LRBA: variants seen among roughly 807,000 people sequenced by gnomAD.
LRBA encodes LPS responsive beige-like anchor protein, also known as lipopolysaccharide-responsive and beige-like anchor protein.
In LRBA, 176 loss-of-function variants were observed where a neutral mutation model predicts 330.0. That is an observed-to-expected ratio of 0.53 (90% CI 0.47 to 0.60). The LOEUF (loss-of-function observed/expected upper bound fraction) is 0.60. Among genes scored for constraint, LRBA ranks in the 20% least tolerant of loss-of-function variants. The pLI is 0.00. For missense variants in LRBA, 3,259 were observed against 3,444.8 expected (o/e 0.95, Z 1.35); for synonymous variants, 1,230 against 1,193.0 (o/e 1.03, Z -0.64).
At chr4:150,292,215 T>A (rs1333193070) in intron 53 of LRBA, among the ~76,000 whole-genome samples, 1 of 152,156 alleles carries the variant, frequency 6.6e-6, no homozygotes, top group Non-Finnish European at 1.5e-5. Flanking sequence ...CTCATAAATA[T>A]CCAGTGAGAA....
In LRBA at chr4:150,914,350, GAAA is replaced by G; in HGVS notation, c.1015-12_1015-10del. ...AAACATTTGTCAAAGGTCTGTAAAA[GAAA>G]AAAAAAAAGGAATTAGGAAAAAACA... On this transcript the variant is annotated splice_polypyrimidine_tract_variant and intron_variant, in intron 8 of 56. Transcript: ENST00000651943. The G allele has an allele frequency of 8.8e-6, 9 of 1,020,208 alleles. No homozygotes were observed. The highest frequency in any genetic ancestry group is 3.5e-5 in the East Asian group (1 of 28,444). 63.2% of individuals were successfully genotyped at this position (1,020,208 alleles called of 1,614,324 possible).
At chr4:150,854,690 G>A (rs1751018547) in intron 22 of LRBA, among the ~76,000 whole-genome samples, 1 of 152,160 alleles carries the variant, frequency 6.6e-6, no homozygotes, top group African/African-American at 2.4e-5. Flanking sequence ...TTGAACAAAG[G>A]CAAGAATAAA....
chr4:150,301,363 A>G (rs1171553052), intron 53 of LRBA, among the ~76,000 whole-genome samples: 2 of 152,088 alleles, frequency 1.3e-5, no homozygotes, highest in Non-Finnish European at 2.9e-5. Flanking sequence ...ATTTGATCAC[A>G]AAGTCTGTAT....
intron 46 of LRBA, among the ~76,000 whole-genome samples, chr4:150,419,470 C>T (rs1322826626): frequency 1.3e-5 from 2 of 151,996 alleles, no homozygotes; most frequent in Non-Finnish European, 2.9e-5. Flanking sequence ...AAGAAGGTCC[C>T]TGCCCTACCA....
chr4:150,304,075 T>C (rs532248169), intron 52 of LRBA, among the ~76,000 whole-genome samples: 67 of 152,304 alleles, frequency 4.4e-4, no homozygotes, highest in African/African-American at 1.6e-3. Flanking sequence ...GGCTTTCTTT[T>C]TCTTTAAATA....
intron 56 of LRBA, among the ~76,000 whole-genome samples, chr4:150,276,064 G>A (rs896522155): frequency 7.2e-5 from 11 of 152,168 alleles, no homozygotes; most frequent in African/African-American, 2.7e-4. Flanking sequence ...AAAACAGCAT[G>A]GTACTGGTAC....
chr4:150,670,017 T>C (rs1231675710), intron 37 of LRBA, among the ~76,000 whole-genome samples: 1 of 152,206 alleles, frequency 6.6e-6, no homozygotes, highest in Non-Finnish European at 1.5e-5. Context: ...TTGGTGAATA[T>C]GATGTCTGCC....
intron 37 of LRBA, among the ~76,000 whole-genome samples, chr4:150,601,947 T>G (rs1774166393): frequency 6.6e-6 from 1 of 150,742 alleles, no homozygotes; most frequent in African/African-American, 2.4e-5. Flanking sequence ...CGCCTCGGCC[T>G]CCCAAAGTGC....
chr4:150,845,431 C>T (rs1204091220), intron 26 of LRBA, among the ~76,000 whole-genome samples: 2 of 152,152 alleles, frequency 1.3e-5, no homozygotes, highest in Non-Finnish European at 2.9e-5. Context: ...AAGGCTCCCA[C>T]GAATCAGGCA....
chr4:150,418,853 C>G (rs1247634058), intron 46 of LRBA, among the ~76,000 whole-genome samples: 1 of 151,992 alleles, frequency 6.6e-6, no homozygotes, highest in Non-Finnish European at 1.5e-5. Context: ...TATGAGGTAT[C>G]TAGGTGAAGG....
intron 47 of LRBA, among the ~76,000 whole-genome samples, chr4:150,373,156 TGTGTGTGTGTGTGTGTGAGAGAGAGA>T (rs1315970202): frequency 6.7e-6 from 1 of 148,496 alleles, no homozygotes; most frequent in African/African-American, 2.5e-5. Flanking sequence ...TGTGTGTGTG[TGTGTGTGTGTGTGTGTGAGAGAGAGA>T]GAGAGAGAGA....
chr4:150,459,424 A>C (rs1449039910), intron 44 of LRBA, among the ~76,000 whole-genome samples: 1 of 151,984 alleles, frequency 6.6e-6, no homozygotes, highest in Non-Finnish European at 1.5e-5. Flanking sequence ...GATTATACCT[A>C]AAGTCTACCA....
intron 44 of LRBA, among the ~76,000 whole-genome samples, chr4:150,444,430 G>A (rs1244932511): frequency 1.3e-5 from 2 of 152,140 alleles, no homozygotes; most frequent in African/African-American, 2.4e-5. Context: ...GTTAGGGGGT[G>A]CAGCAACTAT....
At chr4:150,520,387 T>A (rs909880070) in intron 40 of LRBA, among the ~76,000 whole-genome samples, 6 of 152,192 alleles carry the variant, frequency 3.9e-5, no homozygotes, top group Non-Finnish European at 5.9e-5. Flanking sequence ...TTATTTAGGT[T>A]TTATTTTTTT....
chr4:150,849,355 T>G (rs934920414), intron 25 of LRBA, 67 bp downstream of exon 25: 1 of 1,435,546 alleles, frequency 7.0e-7, no homozygotes, highest in Non-Finnish European at 9.7e-7. Context: ...ACATTTAAGT[T>G]TTAGTCAATA....
intron 40 of LRBA, among the ~76,000 whole-genome samples, chr4:150,528,567 C>T (rs1420387353): frequency 6.6e-6 from 1 of 151,494 alleles, no homozygotes; most frequent in Non-Finnish European, 1.5e-5. Flanking sequence ...GTTTAAAGGT[C>T]TTAAGTTTTT....
At chr4:150,807,195 C>A (rs955547051) in intron 32 of LRBA, among the ~76,000 whole-genome samples, 1 of 151,768 alleles carries the variant, frequency 6.6e-6, no homozygotes, top group African/African-American at 2.4e-5. Context: ...ACATAAAGAG[C>A]CACTAGTTAT....
chr4:150,335,886 G>T (rs1430369339), intron 48 of LRBA, among the ~76,000 whole-genome samples: 1 of 151,972 alleles, frequency 6.6e-6, no homozygotes, highest in African/African-American at 2.4e-5. Flanking sequence ...TGTAGAGATG[G>T]TGTTTTGCCA....
chr4:150,440,495 G>A lies in LRBA; in HGVS notation c.6781-3631C>T, dbSNP rs541725642. Among the ~76,000 whole-genome samples the A allele has an allele frequency of 4.6e-5, 7 of 152,100 alleles. No individual in the cohort carries two copies. In the South Asian group the frequency reaches 1.5e-3, roughly 32 times the overall value. ...ATATTATGTTAAAAATATAAATAAA[G>A]GACAGGCACAGTGGCTCTGCCTGTA... On this transcript the variant is annotated intron_variant, in intron 44 of 56. Coordinates refer to ENST00000651943, the MANE Select transcript of LRBA (RefSeq NM_001364905.1).
Sources: allele counts gnomAD v4.1 joint callset (sites outside exome capture counted in the v4.1 genomes callset), GRCh38; gene constraint gnomAD v4.1.1; transcripts MANE v1.5; gene names NCBI Gene and HGNC (gene_info 2026-07-23, HGNC 2026-07-21).